The following EFHB variants were observed in gnomAD, a reference collection of about 807,000 sequenced individuals.
The protein encoded by EFHB is EF-hand domain family member B, also known as EF-hand domain-containing family member B.
In EFHB, 91 loss-of-function variants were observed where a neutral mutation model predicts 87.2. The ratio of observed to expected loss-of-function variants is 1.04; its 90% CI spans 0.88 to 1.24. The LOEUF (loss-of-function observed/expected upper bound fraction) is 1.24. EFHB is among the 50% of genes most tolerant of loss of function. The pLI is 0.00. For synonymous variants in EFHB, 325 were observed against 333.6 expected (o/e 0.97, Z 0.28); for missense variants, 1,084 against 998.8 (o/e 1.09, Z -1.15).
intron 10 of EFHB, among the ~76,000 whole-genome samples, chr3:19,887,382 CA>C (rs532733257): frequency 0.01 from 966 of 95,444 alleles, 9 homozygotes; most frequent in African/African-American, 0.022. Flanking sequence ...AAGACCCTAT[CA>C]AAAAAAAAAA....
At chr3:19,881,510 C>T (rs955292053) in intron 12 of EFHB, among the ~76,000 whole-genome samples, 1 of 151,950 alleles carries the variant, frequency 6.6e-6, no homozygotes, top group Non-Finnish European at 1.5e-5. Context: ...TTTTGGAAAC[C>T]CTAAAGTTCT....
chr3:19,919,298 G>C (rs972075645), intron 3 of EFHB, among the ~76,000 whole-genome samples: 44 of 151,758 alleles, frequency 2.9e-4, no homozygotes, highest in African/African-American at 9.9e-4. Context: ...CCGGGTTCAA[G>C]TGATTCTCCT....
chr3:19,910,242 A>G (rs1411599560), intron 5 of EFHB, among the ~76,000 whole-genome samples: 1 of 151,988 alleles, frequency 6.6e-6, no homozygotes, highest in Non-Finnish European at 1.5e-5. Flanking sequence ...CTGAAGGGTA[A>G]GTCCCAGGCC....
In EFHB at chr3:19,898,773, T is replaced by C; in HGVS notation, c.1570+5A>G. On this transcript the variant is annotated splice_donor_5th_base_variant and intron_variant, in intron 8 of 12. Transcript: ENST00000295824. ...GTTTTTTACGGAGAAAGTGTGTATA[T>C]TTACCATATTCCTCAGGACGGAGAC... 6.2e-7 allele frequency: 1 copy of C among 1,613,244 alleles called. No homozygotes were observed. Among genetic ancestry groups the C allele is most frequent in the Non-Finnish European group, 8.5e-7 (1 of 1,179,538 alleles).
intron 1 of EFHB, among the ~76,000 whole-genome samples, chr3:19,926,108 T>G (rs2125159175): frequency 6.6e-6 from 1 of 152,210 alleles, no homozygotes; most frequent in African/African-American, 2.4e-5. Flanking sequence ...CCACAAGATT[T>G]ATTAACAGGT....
upstream of EFHB, among the ~76,000 whole-genome samples, chr3:19,938,513 G>A (rs1156280942): frequency 6.6e-6 from 1 of 152,086 alleles, no homozygotes; most frequent in Non-Finnish European, 1.5e-5. Flanking sequence ...GAATCTGGGT[G>A]GTAGATATAT....
rs529760707 is a variant in EFHB at position 19,895,458 on chromosome 3, G to A, written c.1725+1229C>T. On this transcript the variant is annotated intron_variant, in intron 9 of 12. Coordinates refer to ENST00000295824, the MANE Select transcript of EFHB (RefSeq NM_144715.4). ...ATGGCGCCACTGCACTCCAGCCTGGGCGACAGAGCGAGACTCGGTCTCAAA... is the reference window on the plus strand; with the variant it reads ...ATGGCGCCACTGCACTCCAGCCTGGACGACAGAGCGAGACTCGGTCTCAAA... Among the ~76,000 whole-genome samples the A allele has an allele frequency of 4.6e-5, 7 of 151,458 alleles. No homozygotes were observed. In the South Asian group the frequency reaches 1.5e-3, roughly 32 times the overall value.
At chr3:19,939,188 G>T (rs987143854), upstream of EFHB, among the ~76,000 whole-genome samples, 1 of 151,836 alleles carries the variant, frequency 6.6e-6, no homozygotes, top group South Asian at 2.1e-4. Flanking sequence ...TTACATGCAC[G>T]AGTCAACATG....
At chr3:19,919,193 TTTTG>T (rs548920106) in intron 3 of EFHB, among the ~76,000 whole-genome samples, 8 of 152,020 alleles carry the variant, frequency 5.3e-5, no homozygotes, top group Non-Finnish European at 8.8e-5. Flanking sequence ...GACAGTCTTT[TTTTG>T]TTTGTTTGTT....
intron 1 of EFHB, among the ~76,000 whole-genome samples, chr3:19,932,679 T>C (rs11929340): frequency 0.03 from 4,613 of 152,316 alleles, 233 homozygotes; most frequent in African/African-American, 0.1. Flanking sequence ...GAAGGAAGAA[T>C]CATGTGTGTT....
At chr3:19,940,853 A>G (rs1412829411) in intron 1 of EFHB, 2 of 373,858 alleles carry the variant, frequency 5.3e-6, no homozygotes, top group African/African-American at 4.2e-5. Flanking sequence ...GCTCACCTTC[A>G]TAAACCTGAA....
At chr3:19,924,380 A>C (rs530135501) in intron 1 of EFHB, among the ~76,000 whole-genome samples, 2 of 151,662 alleles carry the variant, frequency 1.3e-5, no homozygotes, top group African/African-American at 4.8e-5. Flanking sequence ...CGCCCGGCTA[A>C]TTTTTGTATT....
intron 1 of EFHB, among the ~76,000 whole-genome samples, chr3:19,944,831 T>C (rs538127392): frequency 6.6e-6 from 1 of 152,332 alleles, no homozygotes; most frequent in Non-Finnish European, 1.5e-5. Context: ...CACCAATACT[T>C]TGGGGGTCCC....
Position 19,933,149 on chromosome 3 carries a change from AC to A in EFHB, c.789+80del. The A allele has an allele frequency of 4.1e-6, 6 of 1,452,240 alleles. No individual in the cohort carries two copies. In the South Asian group the frequency reaches 8.8e-5, roughly 21 times the overall value. The allele number at this position is 1,452,240 out of a possible 1,614,324, so 90.0% of individuals were successfully genotyped here. On this transcript the variant is annotated intron_variant, in intron 1 of 12. Transcript: ENST00000295824. Reference sequence around the variant, plus strand: ...TTGTGATTTGTCTCTTCAAACCAAAACAAATTTTATCACTTTATCATCTCAA... The same window carrying A: ...TTGTGATTTGTCTCTTCAAACCAAAAAAATTTTATCACTTTATCATCTCAA...
rs111951713 is a variant in EFHB, at chr3:19,901,991, C to G, written c.1419-2476G>C. Among the ~76,000 whole-genome samples, 343 of 151,734 alleles carry G rather than the reference C, an allele frequency of 2.3e-3. 2 individuals carry two copies. The highest frequency in any genetic ancestry group is 4.4e-3 in the Non-Finnish European group (297 of 67,960). On this transcript the variant is annotated intron_variant, in intron 6 of 12. Transcript: ENST00000295824. ...CAGCTCCAAGGTACATAATTAGGAACATGCAGAGATGATAAGAAAAAGAAC... is the reference window on the plus strand; with the variant it reads ...CAGCTCCAAGGTACATAATTAGGAAGATGCAGAGATGATAAGAAAAAGAAC...
chr3:19,946,487 C>G (rs2125174122), intron 1 of EFHB, among the ~76,000 whole-genome samples: 1 of 152,348 alleles, frequency 6.6e-6, no homozygotes, highest in Non-Finnish European at 1.5e-5. Context: ...AAGGCAGACA[C>G]TATTTTAGGA....
At chr3:19,903,884 A>C (rs544421640) in intron 6 of EFHB, among the ~76,000 whole-genome samples, 1 of 152,180 alleles carries the variant, frequency 6.6e-6, no homozygotes, top group Non-Finnish European at 1.5e-5. Context: ...GCATGATCTT[A>C]GGCAAATGAT....
chr3:19,887,729 T>C (rs1336791591), intron 10 of EFHB, among the ~76,000 whole-genome samples: 2 of 152,256 alleles, frequency 1.3e-5, no homozygotes, highest in Non-Finnish European at 2.9e-5. Flanking sequence ...TTCAAAGCTG[T>C]CTTGAACCAA....
chr3:19,928,443 C>T (rs964270588), intron 1 of EFHB, among the ~76,000 whole-genome samples: 2 of 151,972 alleles, frequency 1.3e-5, no homozygotes, highest in African/African-American at 4.8e-5. Context: ...AGAAAAGAGA[C>T]CTTGTTGTTG....
Sources: gnomAD v4.1 joint callset for allele counts (sites outside exome capture counted in the v4.1 genomes callset) on GRCh38, gnomAD v4.1.1 for gene constraint, MANE v1.5 for transcripts, NCBI Gene and HGNC (gene_info 2026-07-23, HGNC 2026-07-21) for gene names.